PCDHA4: variants seen among roughly 807,000 people sequenced by gnomAD.
The protein encoded by PCDHA4 is protocadherin alpha-4.
PCDHA4 carries 49 observed loss-of-function variants against 61.4 expected under a neutral mutation model. That is an observed-to-expected ratio of 0.80 (90% CI 0.63 to 1.01). PCDHA4 has a LOEUF of 1.01. Among genes scored for constraint, PCDHA4 ranks in the 50% least tolerant of loss-of-function variants. The probability of loss-of-function intolerance (pLI) is 0.00; values close to 1 mark genes in which losing one functional copy is unlikely to be tolerated. For synonymous variants in PCDHA4, 590 were observed against 550.3 expected, an observed-to-expected ratio of 1.07 and a Z score of -1.01; for missense variants, 1,254 against 1,235.8, an observed-to-expected ratio of 1.01 and a Z score of -0.22.
chr5:140,908,399 C>T (rs180728730), intron 1 of PCDHA4, among the ~76,000 whole-genome samples: 51 of 152,258 alleles, frequency 3.3e-4, no homozygotes, highest in African/African-American at 9.9e-4. Flanking sequence ...ACATATATAC[C>T]ACTTCCATTT....
At chr5:140,998,721 C>G (rs987484967) in intron 3 of PCDHA4, among the ~76,000 whole-genome samples, 1 of 152,084 alleles carries the variant, frequency 6.6e-6, no homozygotes, top group Non-Finnish European at 1.5e-5. Context: ...TGCACCACCA[C>G]GCTAGGCTAA....
chr5:140,901,307 T>A (rs544600785), intron 1 of PCDHA4, among the ~76,000 whole-genome samples: 1 of 152,264 alleles, frequency 6.6e-6, no homozygotes, highest in East Asian at 1.9e-4. Context: ...TTCCGGAGAG[T>A]TTCCCCAATG....
chr5:141,005,255 CACTGGTGATACATTGGTGAAT>C (rs1319250318), intron 3 of PCDHA4, among the ~76,000 whole-genome samples: 1 of 152,182 alleles, frequency 6.6e-6, no homozygotes, highest in African/African-American at 2.4e-5. Context: ...TTGTGCTAGG[CACTGGTGATACATTGGTGAAT>C]AAACAGATAC....
At chr5:140,975,899 G>A (rs2096688066) in intron 1 of PCDHA4, among the ~76,000 whole-genome samples, 1 of 152,084 alleles carries the variant, frequency 6.6e-6, no homozygotes, top group African/African-American at 2.4e-5. Context: ...ATGGAGTTTT[G>A]TGACCATTAT....
chr5:140,808,688 G>C lies in PCDHA4; in HGVS notation c.1501G>C (p.Glu501Gln). 6.2e-7 allele frequency: 1 copy of C among 1,612,394 alleles called. No individual in the cohort carries two copies. The highest frequency in any genetic ancestry group is 8.5e-7 in the Non-Finnish European group (1 of 1,179,822). The change falls in exon 1 of 4, where the codon GAG becomes CAG. Residue 501 changes from glutamate (E) to glutamine (Q), a missense_variant. Glu to Gln is a conservative substitution (Grantham distance 29). Coordinates refer to ENST00000530339, the MANE Select transcript of PCDHA4 (RefSeq NM_018907.4). ...CTCGCTGGTAGAGCGGCGGGTAGGG[G>C]AGCGCGCGCTGTCGAGCTACGTTTC... ...SYSLVERRVGERALSSYVSVH... is the reference protein window; with the variant it reads ...SYSLVERRVGQRALSSYVSVH...
At chr5:140,894,044 T>C (rs2064295340) in intron 1 of PCDHA4, among the ~76,000 whole-genome samples, 1 of 152,190 alleles carries the variant, frequency 6.6e-6, no homozygotes, top group Admixed American at 6.5e-5. Context: ...ATGTAAGTCC[T>C]CTGTTGAATT....
At chr5:140,919,816 A>T (rs542185810) in intron 1 of PCDHA4, among the ~76,000 whole-genome samples, 22 of 152,358 alleles carry the variant, frequency 1.4e-4, no homozygotes, top group African/African-American at 5.3e-4. Flanking sequence ...GGCCTCAAAA[A>T]TATATGTCCA....
chr5:140,867,568 T>C (rs2050045240), intron 1 of PCDHA4: 1 of 152,150 alleles, frequency 6.6e-6, no homozygotes, highest in Non-Finnish European at 1.5e-5. Context: ...AACTTTTTCA[T>C]ATGCCCTTGC....
rs2150240828 is a variant in PCDHA4 at position 140,835,651 on chromosome 5, T to C, written c.2385+26079T>C. The C allele has an allele frequency of 5.0e-6, 8 of 1,613,900 alleles. No individual in the cohort carries two copies. The Admixed American group carries it at 6.7e-5, about 13-fold the overall frequency. On this transcript the variant is annotated intron_variant, in intron 1 of 3. Transcript: ENST00000530339. ...CGCGAGAGTGTGTCCGCCTATGAGC[T>C]GGTGGTTACCGCGCGGGACGGGGGC...
chr5:140,858,781 T>C, intron 1 of PCDHA4: 1 of 406,616 alleles, frequency 2.5e-6, no homozygotes, highest in Non-Finnish European at 4.5e-6. Flanking sequence ...TAGTACTTCA[T>C]GTTATTTCAT....
chr5:140,980,085 T>C (rs1294414077), intron 2 of PCDHA4, among the ~76,000 whole-genome samples: 1 of 152,242 alleles, frequency 6.6e-6, no homozygotes, highest in Non-Finnish European at 1.5e-5. Context: ...AGATTAGTAG[T>C]TGGCTTGGTA....
chr5:140,932,593 A>G (rs1347990722), intron 1 of PCDHA4, among the ~76,000 whole-genome samples: 1 of 151,922 alleles, frequency 6.6e-6, no homozygotes, highest in African/African-American at 2.4e-5. Flanking sequence ...GATGTTTTGT[A>G]TATCTATTTT....
At chr5:140,931,758 A>G (rs1374881766) in intron 1 of PCDHA4, among the ~76,000 whole-genome samples, 1 of 151,944 alleles carries the variant, frequency 6.6e-6, no homozygotes, top group African/African-American at 2.4e-5. Flanking sequence ...GGCATTTGTT[A>G]TTTACTTCTT....
At chr5:140,981,630 A>G (rs1299640748) in intron 2 of PCDHA4, among the ~76,000 whole-genome samples, 1 of 152,110 alleles carries the variant, frequency 6.6e-6, no homozygotes, top group East Asian at 1.9e-4. Flanking sequence ...GTTTTCTTGG[A>G]CATTTTCTCT....
chr5:140,863,417 G>A (rs182048002), intron 1 of PCDHA4: 5 of 701,164 alleles, frequency 7.1e-6, no homozygotes, highest in Non-Finnish European at 9.9e-6. Flanking sequence ...CTGGTGTACC[G>A]CAGCGTAGTG....
chr5:140,929,566 C>A, intron 1 of PCDHA4: 2 of 459,566 alleles, frequency 4.4e-6, no homozygotes, highest in Admixed American at 4.2e-5. Flanking sequence ...TATTTAAGAA[C>A]AATAAAAGTA....
At chr5:140,816,237 T>A (rs1181051866) in intron 1 of PCDHA4, 1 of 152,238 alleles carries the variant, frequency 6.6e-6, no homozygotes. Flanking sequence ...TAATTTCAAA[T>A]GATGTGTCCT....
Position 140,885,836 on chromosome 5 carries a change from C to T in PCDHA4, c.2385+76264C>T, listed in dbSNP as rs186775413. On this transcript the variant is annotated intron_variant, in intron 1 of 3. Transcript: ENST00000530339. ...TGTATTTGATCTTCTTTGATTTATC[C>T]ATTAAGTTATTTGCCTACTTTTCTA... Among the ~76,000 whole-genome samples the T allele has an allele frequency of 3.1e-3, 470 of 152,032 alleles. 3 individuals are homozygous for T. Among genetic ancestry groups the T allele is most frequent in the Middle Eastern group, 0.014 (4 of 294 alleles).
At chr5:140,822,247 G>T (rs1383794948) in intron 1 of PCDHA4, 1 of 1,614,236 alleles carries the variant, frequency 6.2e-7, no homozygotes, top group East Asian at 2.2e-5. Flanking sequence ...GGGCGCGTCG[G>T]ATTTGGATAT....
Sources: allele counts gnomAD v4.1 joint callset (sites outside exome capture counted in the v4.1 genomes callset), GRCh38; gene constraint gnomAD v4.1.1; transcripts MANE v1.5; gene names NCBI Gene and HGNC (gene_info 2026-07-23, HGNC 2026-07-21).